Variants in NOX5 observed in about 807,000 individuals in gnomAD.
The protein encoded by NOX5 is NADPH oxidase, EF-hand calcium binding domain 5.
In NOX5, 76 loss-of-function variants were observed where a neutral mutation model predicts 85.7. The observed-to-expected ratio is 0.89, with a 90% confidence interval of 0.74 to 1.07. The LOEUF is 1.07. NOX5 is among the 50% of genes least tolerant of loss of function. The pLI, the probability that NOX5 is intolerant of heterozygous loss-of-function variation, is 0.00. For synonymous variants in NOX5, 405 were observed against 401.4 expected (o/e 1.01, Z -0.11); for missense variants, 973 against 999.5 (o/e 0.97, Z 0.36).
At position 69,033,072 on chromosome 15, in the gene NOX5, C is replaced by T. The variant is rs1051227637; in HGVS notation, c.650C>T (p.Pro217Leu). 9.7e-6 allele frequency: 15 copies of T among 1,551,834 alleles called. No individual in the cohort carries two copies. Among genetic ancestry groups the T allele is most frequent in the Non-Finnish European group, 1.3e-5 (15 of 1,161,380 alleles). ...SAAHWLTAPA[P>L]RPRPRRPRQL... ...GCCCACTGGCTGACGGCCCCCGCCC[C>T]CCGCCCACGCCCGCGCCGGCCGCGC... is the stretch of plus-strand genomic sequence containing the variant. Residue 217 changes from proline to leucine, a missense_variant, in exon 5 of 16, where the codon CCC (proline) becomes CTC (leucine). By Grantham distance (98) the Pro-to-Leu change is moderately conservative. Transcript: ENST00000388866.
intron 13 of NOX5, 93 bp downstream of exon 13, chr15:69,048,004 G>T (rs776521509): frequency 1.6e-5 from 17 of 1,090,686 alleles, no homozygotes; most frequent in Admixed American, 1.1e-4. Context: ...AGGTGGGAGC[G>T]GATAGGTGAT....
At chr15:69,020,719 C>T (rs1438144723) in intron 1 of NOX5, among the ~76,000 whole-genome samples, 2 of 151,804 alleles carry the variant, frequency 1.3e-5, no homozygotes, top group Non-Finnish European at 2.9e-5. Context: ...AGCCCAGAAA[C>T]TAGCCATCAC....
rs181203328 is a variant in NOX5, at chr15:69,054,780, C to T, written c.2000-554C>T. Reference sequence around the variant, plus strand: ...TATGATCCATTCACTCGACCCTTGACCCTTTAGTCCAAATTACCTTTTCAT... The same window carrying T: ...TATGATCCATTCACTCGACCCTTGATCCTTTAGTCCAAATTACCTTTTCAT... On this transcript the variant is annotated intron_variant, in intron 14 of 15. Transcript: ENST00000388866. Among the ~76,000 whole-genome samples the T allele has an allele frequency of 1.1e-3, 165 of 152,326 alleles. 1 individual carries two copies. Among genetic ancestry groups the T allele is most frequent in the African/African-American group, 3.9e-3 (163 of 41,576 alleles).
Position 69,060,521 on chromosome 15 carries a change from G to A in NOX5, c.*3825G>A, listed in dbSNP as rs1213865828. ...GTTTAAGCACTTGTCATTTCTAAAA[G>A]GATACATGAAAGTATATTTATCTGT... On this transcript the variant is annotated 3_prime_UTR_variant, in exon 16 of 16. Transcript: ENST00000388866. The A allele has an allele frequency of 2.0e-5, 3 of 152,234 alleles. No homozygotes were observed. The highest frequency in any genetic ancestry group is 7.2e-5 in the African/African-American group (3 of 41,464). The allele number at this position is 152,234 out of a possible 1,614,324, so 9.4% of individuals were successfully genotyped here. A position where few individuals can be genotyped will look rare whatever the true frequency, so the allele number is the denominator to read the frequency against.
intron 7 of NOX5, 65 bp from the exon 8 acceptor site, chr15:69,036,963 C>T: frequency 7.6e-7 from 1 of 1,315,294 alleles, no homozygotes; most frequent in Non-Finnish European, 1.1e-6. Flanking sequence ...AACCCTGAGT[C>T]CTGGCTCTGT....
intron 5 of NOX5, among the ~76,000 whole-genome samples, chr15:69,034,966 G>A (rs2050492155): frequency 6.6e-6 from 1 of 151,952 alleles, no homozygotes; most frequent in Admixed American, 6.6e-5. Flanking sequence ...GGGTCTCGCT[G>A]TGTTGCCCAG....
Position 69,062,750 on chromosome 15 carries a change from G to A in NOX5, c.*6054G>A, listed in dbSNP as rs1297203628. ...CGCAGAATAAACAGCCTGCTCCGTA[G>A]GATTGTACTGTACGTACCTACTTGT... On this transcript the variant is annotated 3_prime_UTR_variant, in exon 16 of 16. Coordinates refer to ENST00000388866, the MANE Select transcript of NOX5 (RefSeq NM_024505.4). The A allele has an allele frequency of 6.6e-6, 1 of 152,230 alleles. No homozygotes were observed. Among genetic ancestry groups the A allele is most frequent in the Non-Finnish European group, 1.5e-5 (1 of 68,086 alleles). The allele number at this position is 152,230 out of a possible 1,614,324, so 9.4% of individuals were successfully genotyped here. A position where few individuals can be genotyped will look rare whatever the true frequency, so the allele number is the denominator to read the frequency against.
chr15:69,031,667 A>G lies in NOX5; in HGVS notation c.475A>G (p.Ile159Val), dbSNP rs1271033692. 6.2e-7 allele frequency: 1 copy of G among 1,613,384 alleles called. No homozygotes were observed. The highest frequency in any genetic ancestry group is 1.7e-5 in the Admixed American group (1 of 60,014). ...VLQSCLRESA[I>V]SLPDEKLDQL... Reference sequence around the variant, plus strand: ...GCAGTCGTGTCTGCGCGAGAGCGCCATCTCGCTGCCTGACGAGAAGCTGGA... The same window carrying G: ...GCAGTCGTGTCTGCGCGAGAGCGCCGTCTCGCTGCCTGACGAGAAGCTGGA... Residue 159 changes from isoleucine to valine, a missense_variant, in exon 4 of 16, where the codon ATC becomes GTC. Physicochemically the swap from Ile to Val is conservative, Grantham distance 29. Coordinates refer to ENST00000388866, the MANE Select transcript of NOX5 (RefSeq NM_024505.4).
chr15:69,029,105 A>G (rs1209183899), intron 3 of NOX5: 3 of 152,126 alleles, frequency 2.0e-5, no homozygotes, highest in Non-Finnish European at 4.4e-5. Context: ...GAACCTTTTC[A>G]TCCTTCCATT....
At position 69,058,310 on chromosome 15, in the gene NOX5, C is replaced by G. The variant is rs311907; in HGVS notation, c.*1614C>G. 148,616 of 152,484 alleles carry G rather than the reference C, an allele frequency of 0.97. 72,550 individuals are homozygous for G. Among genetic ancestry groups the G allele is most frequent in the East Asian group, 1 (5,160 of 5,160 alleles). 9.4% of individuals were successfully genotyped at this position (152,484 alleles called of 1,614,324 possible). ...ATGCAGCAGTAGGGGTGGGTGTGAC[C>G]TGCAGGGGATGAGCCAGTTGGGTGG... On this transcript the variant is annotated 3_prime_UTR_variant, in exon 16 of 16. Transcript: ENST00000388866.
intron 14 of NOX5, among the ~76,000 whole-genome samples, chr15:69,050,073 A>C (rs1187769415): frequency 6.6e-6 from 1 of 152,214 alleles, no homozygotes; most frequent in Non-Finnish European, 1.5e-5. Context: ...CATAAATGGA[A>C]TCATATAATA....
chr15:69,020,986 A>G (rs1325489694), intron 1 of NOX5, among the ~76,000 whole-genome samples: 1 of 152,122 alleles, frequency 6.6e-6, no homozygotes, highest in East Asian at 1.9e-4. Flanking sequence ...CGTCTTAATA[A>G]TGAACCATCC....
rs1450708553 is a variant in NOX5 at position 69,057,553 on chromosome 15, C to T, written c.*857C>T. The stretch of plus-strand genomic sequence containing the variant: ...TCTTCCTTCTCTCTGTGTGCTGAGT[C>T]GCTTGAGAAACAGGATGGAGACAGC... On this transcript the variant is annotated 3_prime_UTR_variant, in exon 16 of 16. Coordinates refer to ENST00000388866, the MANE Select transcript of NOX5 (RefSeq NM_024505.4). 1.3e-5 allele frequency: 2 copies of T among 152,210 alleles called. No individual in the cohort carries two copies. The highest frequency in any genetic ancestry group is 2.9e-5 in the Non-Finnish European group (2 of 68,088). The allele number at this position is 152,210 out of a possible 1,614,324, so 9.4% of individuals were successfully genotyped here. A position where few individuals can be genotyped will look rare whatever the true frequency, so the allele number is the denominator to read the frequency against.
Position 69,055,348 on chromosome 15 carries a change from C to G in NOX5, c.2014C>G (p.Leu672Val). The change falls in exon 15 of 16, where the codon CTG (leucine) becomes GTG (valine). Residue 672 changes from leucine (L) to valine (V), a missense_variant. Coordinates refer to ENST00000388866, the MANE Select transcript of NOX5 (RefSeq NM_024505.4). ...EEAQYGRFLE[L>V]HMYMTSALGK... ...CTGCCCAACAGGCCGCTTCCTGGAG[C>G]TGCATATGTACATGACATCTGCACT... is the stretch of plus-strand genomic sequence containing the variant. 6.2e-7 allele frequency: 1 copy of G among 1,614,024 alleles called. No individual in the cohort carries two copies. The highest frequency in any genetic ancestry group is 1.1e-5 in the South Asian group (1 of 91,076).
rs1382176439 is a variant in NOX5 at position 69,057,540 on chromosome 15, CTG to C, written c.*849_*850del. Reference sequence around the variant, plus strand: ...CTGTATGCTGGCCTCTTCCTTCTCTCTGTGTGCTGAGTCGCTTGAGAAACAGG... The same window carrying C: ...CTGTATGCTGGCCTCTTCCTTCTCTCTGTGCTGAGTCGCTTGAGAAACAGG... On this transcript the variant is annotated 3_prime_UTR_variant, in exon 16 of 16. Coordinates refer to ENST00000388866, the MANE Select transcript of NOX5 (RefSeq NM_024505.4). 3.3e-5 allele frequency: 5 copies of C among 152,242 alleles called. No individual in the cohort carries two copies. The highest frequency in any genetic ancestry group is 9.7e-5 in the African/African-American group (4 of 41,444). 9.4% of individuals were successfully genotyped at this position (152,242 alleles called of 1,614,324 possible). A position where few individuals can be genotyped will look rare whatever the true frequency, so the allele number is the denominator to read the frequency against.
intron 1 of NOX5, among the ~76,000 whole-genome samples, chr15:69,017,258 T>A (rs1038470888): frequency 6.6e-6 from 1 of 152,102 alleles, no homozygotes; most frequent in Admixed American, 6.5e-5. Context: ...CTCAAGCAGT[T>A]CTCATGCCTC....
chr15:69,038,785 G>T, intron 8 of NOX5, 72 bp from the exon 9 acceptor site: 1 of 1,609,784 alleles, frequency 6.2e-7, no homozygotes, highest in Non-Finnish European at 8.5e-7. Flanking sequence ...CCCAGCTTCT[G>T]CCCTCTTGTC....
In NOX5 at chr15:69,047,839, A is replaced by G. The variant is rs1394961056; in HGVS notation, c.1827A>G (p.Lys609=). ...TCCTGCCTCCCCTCAGGCACCAGAAAAGAAAGCATACTTGCCCCAGCTGCC... is the reference window on the plus strand; with the variant it reads ...TCCTGCCTCCCCTCAGGCACCAGAAGAGAAAGCATACTTGCCCCAGCTGCC... ...ILQSIMYRHQ[K]RKHTCPSCQH... The change falls in exon 13 of 16, where the codon AAA becomes AAG. Residue 609 remains lysine, a synonymous_variant. Transcript: ENST00000388866. The G allele has an allele frequency of 6.2e-7, 1 of 1,614,006 alleles. No homozygotes were observed.
At chr15:69,024,577 G>A (rs536020736) in intron 1 of NOX5, among the ~76,000 whole-genome samples, 6 of 152,018 alleles carry the variant, frequency 3.9e-5, no homozygotes, top group Non-Finnish European at 8.8e-5. Context: ...TTTTCAGAGA[G>A]ACCACATTTA....
Sources: gnomAD v4.1 joint callset for allele counts (sites outside exome capture counted in the v4.1 genomes callset) on GRCh38, gnomAD v4.1.1 for gene constraint, MANE v1.5 for transcripts, NCBI Gene and HGNC (gene_info 2026-07-23, HGNC 2026-07-21) for gene names.